Variants in FAT2 observed in about 807,000 individuals in gnomAD.
FAT2 encodes protocadherin Fat 2.
Under a neutral mutation model 295.3 loss-of-function variants are expected in FAT2, and 150 were observed. The observed-to-expected ratio is 0.51, with a 90% confidence interval of 0.44 to 0.58. FAT2 has a LOEUF of 0.58. Among genes scored for constraint, FAT2 ranks in the 20% least tolerant of loss-of-function variants. FAT2 has a pLI of 0.00. For missense variants in FAT2, 4,868 were observed against 5,442.7 expected (o/e 0.89, Z 3.32); for synonymous variants, 2,026 against 2,150.3 (o/e 0.94, Z 1.60).
chr5:151,560,316 T>C (rs1180363098), intron 3 of FAT2, among the ~76,000 whole-genome samples: 2 of 152,242 alleles, frequency 1.3e-5, no homozygotes, highest in African/African-American at 2.4e-5. Flanking sequence ...ATAATCTCCA[T>C]TTCACTGGTG....
rs191133407 is a variant in FAT2, at chr5:151,567,269, T to C, written c.1663A>G (p.Arg555Gly). The change falls in exon 2 of 24, where the codon AGG becomes GGG. Residue 555 changes from arginine (R) to glycine (G), a missense_variant. By Grantham distance (125) the Arg-to-Gly change is moderately radical. Around this residue, in one of 5 missense-constraint regions of FAT2, gnomAD observed 3,297 missense variants for 3,669.4 expected, o/e 0.90. Transcript: ENST00000261800. ...ATAGGCTGGTTGTCATTCAAGTTCC[T>C]GAGCTGAAGAAAAATGGACACTTCC... ...EKEVSIFLQL[R>G]NLNDNQPMFE... 2 of 1,614,172 alleles carry C rather than the reference T, an allele frequency of 1.2e-6. No individual in the cohort carries two copies. The highest frequency in any genetic ancestry group is 4.5e-5 in the East Asian group (2 of 44,888).
chr5:151,547,559 T>C (rs1302000420), intron 9 of FAT2, among the ~76,000 whole-genome samples: 1 of 152,214 alleles, frequency 6.6e-6, no homozygotes, highest in African/African-American at 2.4e-5. Flanking sequence ...AGTTTTGTCA[T>C]AAAACTTTCA....
At position 151,521,447 on chromosome 5, in the gene FAT2, C is replaced by A. The variant is rs747496471; in HGVS notation, c.11146G>T (p.Val3716Phe). ...SAKEMEHSVG[V>F]QMRSAMPMVP... ...ATGGGCATAGCTGACCGCATCTGAACCCCCACTGAATGCTCCATCTCCTTG... is the reference window on the plus strand; with the variant it reads ...ATGGGCATAGCTGACCGCATCTGAAACCCCACTGAATGCTCCATCTCCTTG... The change falls in exon 19 of 24, where the codon GTT (valine) becomes TTT (phenylalanine). Residue 3716 changes from valine to phenylalanine, a missense_variant. This residue lies in a region of FAT2 where 1,046 missense variants were observed against 1,210.1 expected (regional missense o/e 0.86). Coordinates refer to ENST00000261800, the MANE Select transcript of FAT2 (RefSeq NM_001447.3). 6.2e-7 allele frequency: 1 copy of A among 1,614,182 alleles called. No homozygotes were observed. The highest frequency in any genetic ancestry group is 1.7e-5 in the Admixed American group (1 of 60,020).
chr5:151,567,881 G>A lies in FAT2; in HGVS notation c.1051C>T (p.His351Tyr), dbSNP rs1345971446. The change falls in exon 2 of 24, where the codon CAC (histidine) becomes TAC (tyrosine). Residue 351 changes from histidine (H) to tyrosine (Y), a missense_variant. By Grantham distance (83) the His-to-Tyr change is moderately conservative. Around this residue, in one of 5 missense-constraint regions of FAT2, gnomAD observed 3,297 missense variants for 3,669.4 expected, o/e 0.90. Coordinates refer to ENST00000261800, the MANE Select transcript of FAT2 (RefSeq NM_001447.3). ...GAAGACAGTTTGGAAGGTGGTAGGT[G>A]AAAGCCCCTGATCTGGGAATAAAAA... ...PYFYSQIRGF[H>Y]LPPSKLSSLK... 4 of 1,613,988 alleles carry A rather than the reference G, an allele frequency of 2.5e-6. No homozygotes were observed. The highest frequency in any genetic ancestry group is 1.3e-5 in the African/African-American group (1 of 74,878).
chr5:151,581,067 G>A (rs1758937306), intron 1 of FAT2, among the ~76,000 whole-genome samples: 1 of 152,196 alleles, frequency 6.6e-6, no homozygotes, highest in Admixed American at 6.5e-5. Context: ...CCAGGAGGTG[G>A]AGTCGCTACA....
chr5:151,522,716 G>A lies in FAT2; in HGVS notation c.10507-630C>T, dbSNP rs79112697. The stretch of plus-strand genomic sequence containing the variant: ...CTCTGTGGAGTGACATTTGAGTCCT[G>A]AGGGATGAGAAGAAGAGGCGACAGA... On this transcript the variant is annotated intron_variant, in intron 18 of 23. Coordinates refer to ENST00000261800, the MANE Select transcript of FAT2 (RefSeq NM_001447.3). Among the ~76,000 whole-genome samples, 1,503 of 152,314 alleles carry A rather than the reference G, an allele frequency of 9.9e-3. 15 individuals carry two copies. Among genetic ancestry groups the A allele is most frequent in the African/African-American group, 0.015 (610 of 41,566 alleles).
chr5:151,544,829 C>A lies in FAT2; in HGVS notation c.6298G>T (p.Gly2100Trp). 6.2e-7 allele frequency: 1 copy of A among 1,614,204 alleles called. No homozygotes were observed. Among genetic ancestry groups the A allele is most frequent in the Non-Finnish European group, 8.5e-7 (1 of 1,180,028 alleles). ...TCATATGTAACAGCCCCATTTGTCC[C>A]CAAGTCCTCATCAGTGGCAGATACC... The part of the protein sequence containing the change: ...FQVSATDEDL[G>W]TNGAVTYEFA... The change falls in exon 10 of 24, where the codon GGG becomes TGG. Residue 2100 changes from glycine to tryptophan, a missense_variant. Coordinates refer to ENST00000261800, the MANE Select transcript of FAT2 (RefSeq NM_001447.3).
At chr5:151,571,743 C>T (rs1010825839) in intron 1 of FAT2, among the ~76,000 whole-genome samples, 1 of 152,206 alleles carries the variant, frequency 6.6e-6, no homozygotes, top group African/African-American at 2.4e-5. Flanking sequence ...ATGTTAGGCT[C>T]CTTGTACTAC....
intron 1 of FAT2, among the ~76,000 whole-genome samples, chr5:151,570,472 G>T (rs1758477987): frequency 6.6e-6 from 1 of 152,244 alleles, no homozygotes; most frequent in African/African-American, 2.4e-5. Context: ...GTTAGTTCTT[G>T]TTGAACTGAT....
At chr5:151,520,651 A>C (rs1753357868) in intron 19 of FAT2, among the ~76,000 whole-genome samples, 1 of 152,178 alleles carries the variant, frequency 6.6e-6, no homozygotes, top group African/African-American at 2.4e-5. Context: ...CAGGAGGCAG[A>C]TGTATTTATT....
In FAT2 at chr5:151,505,584, C is replaced by T. The variant is rs776323616; in HGVS notation, c.13031G>A (p.Cys4344Tyr). Residue 4344 changes from cysteine to tyrosine, a missense_variant, in exon 24 of 24, where the codon TGT becomes TAT. By Grantham distance (194) the Cys-to-Tyr change is radical. This residue lies in a region of FAT2 where 492 missense variants were observed against 482.6 expected (regional missense o/e 1.02). Coordinates refer to ENST00000261800, the MANE Select transcript of FAT2 (RefSeq NM_001447.3). ...GGGAAGCTAGAACATGACCTCCTCA[C>T]AGCTGCCATAATCACTCTCCACCAT... ...SDMVESDYGS[C>Y]EEVMF The T allele has an allele frequency of 1.6e-4, 263 of 1,614,158 alleles. 3 individuals carry two copies. The South Asian group carries it at 2.8e-3, about 17-fold the overall frequency.
At position 151,542,298 on chromosome 5, in the gene FAT2, G is replaced by A. The variant is rs947212171; in HGVS notation, c.8829C>T (p.Thr2943=). The change falls in exon 10 of 24, where the codon ACC becomes ACT. Residue 2943 remains threonine (T), a synonymous_variant. Transcript: ENST00000261800. ...ADISEQNRQV[T]CYITEGDPLG... ...AGGTGTTCTTACCTGTGATGTAGCA[G>A]GTGACCTGCCTGTTCTGCTCAGAAA... The A allele has an allele frequency of 1.7e-5, 27 of 1,599,816 alleles. No individual in the cohort carries two copies. The highest frequency in any genetic ancestry group is 2.1e-5 in the Non-Finnish European group (25 of 1,173,064).
chr5:151,556,281 G>A (rs762766332), intron 4 of FAT2, 63 bp downstream of exon 4: 18 of 1,395,622 alleles, frequency 1.3e-5, no homozygotes, highest in Middle Eastern at 1.8e-4. Context: ...AGACATGCAC[G>A]TGGCTCCAAG....
At chr5:151,538,070 G>A (rs1040411294) in intron 11 of FAT2, 124 bp from the exon 12 acceptor site, 15 of 721,372 alleles carry the variant, frequency 2.1e-5, no homozygotes, top group Admixed American at 5.8e-5. Context: ...CAGAGACGAA[G>A]AGAGACAGAA....
rs768734506 is a variant in FAT2 at position 151,507,135 on chromosome 5, C to T, written c.12517+19G>A. ...ACTTCCATCAATCCCAGAGGCTAAG[C>T]GTCTCTGGCTATACTGACCCATCTC... On this transcript the variant is annotated intron_variant, in intron 23 of 23. Transcript: ENST00000261800. 18 of 1,527,704 alleles carry T rather than the reference C, an allele frequency of 1.2e-5. No individual in the cohort carries two copies. Among genetic ancestry groups the T allele is most frequent in the Admixed American group, 1.0e-4 (5 of 49,474 alleles). 94.6% of individuals were successfully genotyped at this position (1,527,704 alleles called of 1,614,324 possible). A position where few individuals can be genotyped will look rare whatever the true frequency, so the allele number is the denominator to read the frequency against.
chr5:151,521,746 T>G lies in FAT2; in HGVS notation c.10847A>C (p.His3616Pro), dbSNP rs1223037787. Reference sequence around the variant, plus strand: ...CTGCCCCACATGCCACACGTACACATGGACCCCAGCAGTCGTGGTGAAGGT... The same window carrying G: ...CTGCCCCACATGCCACACGTACACAGGGACCCCAGCAGTCGTGGTGAAGGT... ...DGTFTTTAGV[H>P]VYVWHVGQEA... is the part of the protein sequence containing the mutation. The change falls in exon 19 of 24, where the codon CAT (histidine) becomes CCT (proline). Residue 3616 changes from histidine (H) to proline (P), a missense_variant. Physicochemically the swap from His to Pro is moderately conservative, Grantham distance 77. Transcript: ENST00000261800. 1.2e-6 allele frequency: 2 copies of G among 1,613,998 alleles called. No homozygotes were observed. Among genetic ancestry groups the G allele is most frequent in the Non-Finnish European group, 8.5e-7 (1 of 1,180,004 alleles).
rs374570696 is a variant in FAT2 at position 151,567,031 on chromosome 5, G to A, written c.1901C>T (p.Thr634Ile). Reference protein sequence around the residue: ...PFINLTAGQPTSYSLKITASD... With the variant: ...PFINLTAGQPISYSLKITASD... ...GGCTGTAATCTTCAGGGAATAACTGGTGGGTTGACCAGCAGTAAGATTGAT... is the reference window on the plus strand; with the variant it reads ...GGCTGTAATCTTCAGGGAATAACTGATGGGTTGACCAGCAGTAAGATTGAT... The change falls in exon 2 of 24, where the codon ACC becomes ATC. Residue 634 changes from threonine to isoleucine, a missense_variant. This residue lies in a region of FAT2 where 3,297 missense variants were observed against 3,669.4 expected (regional missense o/e 0.90). Transcript: ENST00000261800. 6.2e-7 allele frequency: 1 copy of A among 1,613,842 alleles called. No individual in the cohort carries two copies. The highest frequency in any genetic ancestry group is 8.5e-7 in the Non-Finnish European group (1 of 1,179,880).
rs2127584076 is a variant in FAT2, at chr5:151,525,815, C to T, written c.10459G>A (p.Glu3487Lys). ...VTPDGWLVTAEGLSRRAQEWY... is the reference protein window; with the variant it reads ...VTPDGWLVTAKGLSRRAQEWY... Reference sequence around the variant, plus strand: ...TCCTGAGCCCTCCTGCTTAGGCCCTCAGCAGTCACCAGCCATCCATCCGGG... The same window carrying T: ...TCCTGAGCCCTCCTGCTTAGGCCCTTAGCAGTCACCAGCCATCCATCCGGG... The change falls in exon 18 of 24, where the codon GAG becomes AAG. Residue 3487 changes from glutamate to lysine, a missense_variant. Around this residue, in one of 5 missense-constraint regions of FAT2, gnomAD observed 1,046 missense variants for 1,210.1 expected, o/e 0.86. Transcript: ENST00000261800. The T allele has an allele frequency of 6.2e-7, 1 of 1,614,162 alleles. No homozygotes were observed.
Position 151,547,492 on chromosome 5 carries a change from A to C in FAT2, c.4790-1155T>G, listed in dbSNP as rs1691503161. Among the ~76,000 whole-genome samples, 5 of 152,342 alleles carry C rather than the reference A, an allele frequency of 3.3e-5. No individual in the cohort carries two copies. In the South Asian group the frequency reaches 1.0e-3, roughly 32 times the overall value. On this transcript the variant is annotated intron_variant, in intron 9 of 23. Coordinates refer to ENST00000261800, the MANE Select transcript of FAT2 (RefSeq NM_001447.3). ...GAAAATACTGCACTTTACATGTCTTATTCCCTCTATCACGTGAGAGCATAT... is the reference window on the plus strand; with the variant it reads ...GAAAATACTGCACTTTACATGTCTTCTTCCCTCTATCACGTGAGAGCATAT...
Sources: gnomAD v4.1 joint callset for allele counts (sites outside exome capture counted in the v4.1 genomes callset) on GRCh38, gnomAD v4.1.1 for gene constraint, gnomAD v4.1.1 regional missense constraint, MANE v1.5 for transcripts, NCBI Gene and HGNC (gene_info 2026-07-23, HGNC 2026-07-21) for gene names.